Variants in ITGA11 observed in about 807,000 individuals in gnomAD.
ITGA11 encodes the protein integrin subunit alpha 11, also known as integrin alpha-11.
Under a neutral mutation model 141.9 loss-of-function variants are expected in ITGA11, and 97 were observed. The observed-to-expected ratio is 0.68, with a 90% CI of 0.58 to 0.81. ITGA11 has a LOEUF of 0.81. Among genes scored for constraint, ITGA11 ranks in the 30% least tolerant of loss-of-function variants. The probability of loss-of-function intolerance (pLI) is 0.00; values close to 1 mark genes in which losing one functional copy is unlikely to be tolerated. For synonymous variants in ITGA11, 658 were observed against 624.6 expected (o/e 1.05, Z -0.80); for missense variants, 1,387 against 1,559.2 (o/e 0.89, Z 1.86).
rs1388370018 is a variant in ITGA11 at position 68,396,931 on chromosome 15, TATATA to T, written c.164+5982_164+5986del. On this transcript the variant is annotated intron_variant, in intron 2 of 29. Coordinates refer to ENST00000315757, the MANE Select transcript of ITGA11 (RefSeq NM_001004439.2). The stretch of plus-strand genomic sequence containing the variant: ...TTATTATATATTATTTATTATATAA[TATATA>T]ATATATTATATATTATTTATTATAT... Among the ~76,000 whole-genome samples, 104 of 30,544 alleles carry T rather than the reference TATATA, an allele frequency of 3.4e-3. 14 individuals carry two copies. Among genetic ancestry groups the T allele is most frequent in the African/African-American group, 3.8e-3 (25 of 6,522 alleles). The allele number at this position is 30,544 out of a possible 152,430, so 20.0% of individuals were successfully genotyped here.
chr15:68,311,174 C>G, intron 25 of ITGA11, 94 bp from the exon 26 acceptor site: 1 of 1,287,670 alleles, frequency 7.8e-7, no homozygotes, highest in South Asian at 1.3e-5. Flanking sequence ...TTCTCCTCCT[C>G]TAGCCGTGGT....
chr15:68,358,617 A>G (rs770586686), intron 5 of ITGA11, 32 bp from the exon 6 acceptor site: 3 of 1,595,076 alleles, frequency 1.9e-6, no homozygotes, highest in Non-Finnish European at 2.6e-6. Flanking sequence ...ATGGCTACCC[A>G]AGGAGCAGTG....
At chr15:68,367,438 C>T (rs1057037528) in intron 3 of ITGA11, among the ~76,000 whole-genome samples, 7 of 152,154 alleles carry the variant, frequency 4.6e-5, no homozygotes, top group Admixed American at 4.6e-4. Flanking sequence ...CTTGCTCCTC[C>T]TTTGTCTGGA....
chr15:68,344,786 G>A (rs1292509305), intron 10 of ITGA11, among the ~76,000 whole-genome samples: 1 of 152,014 alleles, frequency 6.6e-6, no homozygotes, highest in African/African-American at 2.4e-5. Flanking sequence ...TCACCTTTAG[G>A]TACAAGAGAA....
intron 2 of ITGA11, among the ~76,000 whole-genome samples, chr15:68,377,615 G>A (rs1050869752): frequency 1.3e-5 from 2 of 152,146 alleles, no homozygotes; most frequent in Admixed American, 6.5e-5. Flanking sequence ...TCTCAATCCA[G>A]CCTTCTATAG....
At chr15:68,402,082 A>T (rs1445871255) in intron 2 of ITGA11, among the ~76,000 whole-genome samples, 1 of 151,580 alleles carries the variant, frequency 6.6e-6, no homozygotes, top group Non-Finnish European at 1.5e-5. Context: ...TGGGGAGGGT[A>T]GACAGGGGCC....
chr15:68,350,840 C>T (rs1168908189), intron 8 of ITGA11, 58 bp from the exon 9 acceptor site: 9 of 1,554,568 alleles, frequency 5.8e-6, no homozygotes, highest in African/African-American at 1.4e-5. Context: ...CTTTCCCATA[C>T]ACCACACGGC....
At chr15:68,429,316 G>A (rs1897216670) in intron 1 of ITGA11, among the ~76,000 whole-genome samples, 1 of 152,212 alleles carries the variant, frequency 6.6e-6, no homozygotes, top group African/African-American at 2.4e-5. Flanking sequence ...CTTACGCTGT[G>A]TCTGATCTCA....
intron 1 of ITGA11, among the ~76,000 whole-genome samples, chr15:68,404,415 A>G (rs912823541): frequency 6.6e-6 from 1 of 152,196 alleles, no homozygotes; most frequent in African/African-American, 2.4e-5. Context: ...CTGTCAGTTA[A>G]CTAATTCTTC....
At chr15:68,332,255 T>G (rs1443310130) in intron 13 of ITGA11, 83 bp downstream of exon 13, 1 of 1,478,116 alleles carries the variant, frequency 6.8e-7, no homozygotes. Context: ...GCCTCGCTAG[T>G]AACGCATTTC....
Position 68,333,681 on chromosome 15 carries a change from C to T in ITGA11, c.1426-1203G>A, listed in dbSNP as rs1894252943. ...GGTGAGGCGCCTTCTAAAGGGCCTT[C>T]CAGCCTCAGGCTGGCCCCTTCAGCC... On this transcript the variant is annotated intron_variant, in intron 12 of 29. Coordinates refer to ENST00000315757, the MANE Select transcript of ITGA11 (RefSeq NM_001004439.2). This position sits in a 1 kb window ranked among gnomAD's most constrained non-coding sequence, Gnocchi z 4.2. 1.3e-5 allele frequency among the ~76,000 whole-genome samples: 2 copies of T among 152,218 alleles called. No individual in the cohort carries two copies. Among genetic ancestry groups the T allele is most frequent in the East Asian group, 3.8e-4 (2 of 5,196 alleles).
chr15:68,379,055 A>G (rs1453014651), intron 2 of ITGA11, among the ~76,000 whole-genome samples: 1 of 152,214 alleles, frequency 6.6e-6, no homozygotes, highest in African/African-American at 2.4e-5. Flanking sequence ...AAAGTAGCCA[A>G]CTTGTGCCAT....
Position 68,321,209 on chromosome 15 carries a change from A to C in ITGA11, c.2408+209T>G, listed in dbSNP as rs1595857594. 6.6e-6 allele frequency among the ~76,000 whole-genome samples: 1 copy of C among 150,634 alleles called. No individual in the cohort carries two copies. Among genetic ancestry groups the C allele is most frequent in the East Asian group, 1.9e-4 (1 of 5,162 alleles). On this transcript the variant is annotated intron_variant, in intron 19 of 29. Coordinates refer to ENST00000315757, the MANE Select transcript of ITGA11 (RefSeq NM_001004439.2). The surrounding 1 kb of genome is among the most constrained non-coding windows in gnomAD (Gnocchi z 4.9). ...ACAAAATTTGAAATTAGATTAGACT[A>C]GTAGTTTCATATTACAGAAGAGACT...
intron 2 of ITGA11, among the ~76,000 whole-genome samples, chr15:68,397,839 C>A (rs1347920561): frequency 2.1e-5 from 3 of 139,556 alleles, no homozygotes; most frequent in Middle Eastern, 4.2e-3. Context: ...AAATATTATT[C>A]TATTTATTAT....
intron 1 of ITGA11, among the ~76,000 whole-genome samples, chr15:68,406,984 A>T (rs1390499035): frequency 6.6e-6 from 1 of 152,228 alleles, no homozygotes; most frequent in African/African-American, 2.4e-5. Flanking sequence ...TGGACACATG[A>T]CCACATAGCT....
chr15:68,352,439 C>A (rs142568986), intron 7 of ITGA11, among the ~76,000 whole-genome samples: 3,471 of 152,130 alleles, frequency 0.023, 55 homozygotes, highest in South Asian at 0.035. Context: ...GTGATCTGCC[C>A]GCCTCTGCCT....
intron 21 of ITGA11, among the ~76,000 whole-genome samples, chr15:68,316,333 G>A (rs1030334483): frequency 1.3e-5 from 2 of 152,178 alleles, no homozygotes; most frequent in African/African-American, 2.4e-5. Flanking sequence ...GGAAACATGC[G>A]ACCCTCCTCG....
intron 2 of ITGA11, among the ~76,000 whole-genome samples, chr15:68,386,740 T>G (rs1895993890): frequency 1.3e-5 from 2 of 152,172 alleles, no homozygotes; most frequent in Non-Finnish European, 2.9e-5. Context: ...TGGCTGCTCT[T>G]GTACCCTTCT....
At position 68,331,084 on chromosome 15, in the gene ITGA11, C is replaced by G; in HGVS notation, c.1798G>C (p.Gly600Arg). 1 of 1,586,718 alleles carries G rather than the reference C, an allele frequency of 6.3e-7. No homozygotes were observed. The change falls in exon 15 of 30, where the codon GGC becomes CGC. Residue 600 changes from glycine to arginine, a missense_variant. Transcript: ENST00000315757. ...QRITASELATGLQYFGCSIHG... is the reference protein window; with the variant it reads ...QRITASELATRLQYFGCSIHG... ...ATGCTGCAGCCAAAATACTGGAGGC[C>G]GGTAGCCAGCTCTGAGGCTGTGATT... is the stretch of plus-strand genomic sequence containing the variant.
Sources: allele counts gnomAD v4.1 joint callset (sites outside exome capture counted in the v4.1 genomes callset), GRCh38; gene constraint gnomAD v4.1.1; non-coding constraint Gnocchi (gnomAD v3.1); transcripts MANE v1.5; gene names NCBI Gene and HGNC (gene_info 2026-07-23, HGNC 2026-07-21).